Variants in NALF1 observed in about 807,000 individuals in gnomAD.
The protein encoded by NALF1 is NALCN channel auxiliary factor 1.
In NALF1, 3 loss-of-function variants were observed where a neutral mutation model predicts 48.4. The ratio of observed to expected loss-of-function variants is 0.06; its 90% CI spans 0.03 to 0.16. The LOEUF (loss-of-function observed/expected upper bound fraction) is 0.16. Among genes scored for constraint, NALF1 ranks in the 10% least tolerant of loss-of-function variants. The pLI, the probability that NALF1 is intolerant of heterozygous loss-of-function variation, is 1.00. For missense variants in NALF1, 526 were observed against 571.5 expected (o/e 0.92, Z 0.81); for synonymous variants, 262 against 245.7 (o/e 1.07, Z -0.62).
chr13:107,780,740 T>C (rs1005160176), intron 1 of NALF1, among the ~76,000 whole-genome samples: 1 of 152,084 alleles, frequency 6.6e-6, no homozygotes, highest in African/African-American at 2.4e-5. Flanking sequence ...GAGACCAGCC[T>C]GACTAACATG....
chr13:107,462,995 G>A (rs554731668), intron 1 of NALF1, among the ~76,000 whole-genome samples: 5 of 152,192 alleles, frequency 3.3e-5, no homozygotes, highest in South Asian at 2.1e-4. Context: ...TGGGGAACCC[G>A]GACACACATG....
chr13:107,324,490 A>G (rs1162268368), intron 1 of NALF1, among the ~76,000 whole-genome samples: 1 of 152,220 alleles, frequency 6.6e-6, no homozygotes, highest in Admixed American at 6.5e-5. Flanking sequence ...GGGGAAGAAC[A>G]GTATCTAGGG....
At chr13:107,581,397 T>C (rs1395631982) in intron 1 of NALF1, among the ~76,000 whole-genome samples, 2 of 152,214 alleles carry the variant, frequency 1.3e-5, no homozygotes, top group African/African-American at 4.8e-5. Context: ...TACTTAGCAT[T>C]TGTCTTAATT....
At chr13:107,245,340 T>C (rs1215993053) in intron 1 of NALF1, among the ~76,000 whole-genome samples, 1 of 152,214 alleles carries the variant, frequency 6.6e-6, no homozygotes. Flanking sequence ...TAAAGTGAAG[T>C]CCAGAATAAA....
chr13:107,802,675 TA>T (rs201125831), intron 1 of NALF1, among the ~76,000 whole-genome samples: 4,194 of 152,248 alleles, frequency 0.028, 213 homozygotes, highest in African/African-American at 0.097. Context: ...TTTTTTTATA[TA>T]TCAGTGTGTA....
intron 1 of NALF1, among the ~76,000 whole-genome samples, chr13:107,607,348 A>G (rs1181728514): frequency 6.6e-6 from 1 of 152,222 alleles, no homozygotes; most frequent in East Asian, 1.9e-4. Context: ...TTAATTCACA[A>G]GCCTGAAAAA....
intron 1 of NALF1, among the ~76,000 whole-genome samples, chr13:107,814,767 T>C (rs180901621): frequency 4.6e-5 from 7 of 152,190 alleles, no homozygotes; most frequent in East Asian, 1.9e-4. Flanking sequence ...TAATAATTGA[T>C]AGAACTAAGC....
intron 1 of NALF1, among the ~76,000 whole-genome samples, chr13:107,519,744 A>T (rs1876175946): frequency 6.6e-6 from 1 of 152,198 alleles, no homozygotes; most frequent in Admixed American, 6.6e-5. Flanking sequence ...TTTCTGGCCA[A>T]AGAAATGGTT....
At chr13:107,288,432 C>CTGG (rs1283503838) in intron 1 of NALF1, among the ~76,000 whole-genome samples, 1 of 149,212 alleles carries the variant, frequency 6.7e-6, no homozygotes, top group Non-Finnish European at 1.5e-5. Context: ...GTTGGTCAGG[C>CTGG]TGGTCTTGCA....
At chr13:107,710,036 G>A (rs776665522) in intron 1 of NALF1, among the ~76,000 whole-genome samples, 76 of 152,184 alleles carry the variant, frequency 5.0e-4, no homozygotes, top group Non-Finnish European at 9.6e-4. Flanking sequence ...AGAATTGCTT[G>A]AGCCTGGAAG....
At chr13:107,799,399 C>G (rs1389286451) in intron 1 of NALF1, among the ~76,000 whole-genome samples, 1 of 152,182 alleles carries the variant, frequency 6.6e-6, no homozygotes, top group Non-Finnish European at 1.5e-5. Context: ...AAAGTGCTCA[C>G]TGAGCTCAAT....
chr13:107,234,492 C>T (rs916839955), intron 1 of NALF1, among the ~76,000 whole-genome samples: 12 of 152,112 alleles, frequency 7.9e-5, no homozygotes, highest in African/African-American at 2.4e-4. Context: ...CAAAGACAGG[C>T]GGGACAGCCA....
intron 1 of NALF1, among the ~76,000 whole-genome samples, chr13:107,656,579 C>G (rs957852273): frequency 2.0e-5 from 3 of 152,088 alleles, no homozygotes; most frequent in Non-Finnish European, 4.4e-5. Flanking sequence ...ACTGGTACAG[C>G]CACTATGGAA....
intron 1 of NALF1, among the ~76,000 whole-genome samples, chr13:107,288,106 C>T (rs73584936): frequency 6.6e-6 from 1 of 151,462 alleles, no homozygotes; most frequent in African/African-American, 2.4e-5. Flanking sequence ...CCTGCTATAA[C>T]AAAATTCATA....
intron 1 of NALF1, among the ~76,000 whole-genome samples, chr13:107,809,045 C>T (rs1224109738): frequency 1.3e-5 from 2 of 152,066 alleles, no homozygotes; most frequent in Admixed American, 1.3e-4. Context: ...GAAGAAACAA[C>T]TCACTCTAGA....
At chr13:107,685,251 G>T (rs1289017411) in intron 1 of NALF1, among the ~76,000 whole-genome samples, 2 of 152,030 alleles carry the variant, frequency 1.3e-5, no homozygotes, top group South Asian at 4.1e-4. Flanking sequence ...GAAGCCGAGG[G>T]TGCAGTGAGC....
intron 1 of NALF1, among the ~76,000 whole-genome samples, chr13:107,230,238 CA>C (rs2138824040): frequency 6.6e-6 from 1 of 152,160 alleles, no homozygotes; most frequent in South Asian, 2.1e-4. Flanking sequence ...ATGGCAATTT[CA>C]TATGGTTTAA....
At chr13:107,786,558 C>T (rs556414913) in intron 1 of NALF1, among the ~76,000 whole-genome samples, 3 of 151,482 alleles carry the variant, frequency 2.0e-5, no homozygotes, top group Non-Finnish European at 4.4e-5. Context: ...TGGCGAAACC[C>T]CATCTCTACT....
chr13:107,563,230 A>G (rs923840384), intron 1 of NALF1, among the ~76,000 whole-genome samples: 9 of 152,216 alleles, frequency 5.9e-5, no homozygotes, highest in Admixed American at 3.3e-4. Context: ...AGGGAAGCTC[A>G]GCTGTGGATG....
Sources: gnomAD v4.1 joint callset for allele counts (sites outside exome capture counted in the v4.1 genomes callset) on GRCh38, gnomAD v4.1.1 for gene constraint, MANE v1.5 for transcripts, NCBI Gene and HGNC (gene_info 2026-07-23, HGNC 2026-07-21) for gene names.